Variants in HUNK observed in about 807,000 individuals in gnomAD.
HUNK encodes the protein hormonally up-regulated Neu-associated kinase, also known as hormonally up-regulated neu tumor-associated kinase.
A neutral mutation model predicts 61.0 loss-of-function variants in HUNK; 21 were observed. The observed-to-expected ratio is 0.34, with a 90% confidence interval of 0.24 to 0.50. HUNK has a LOEUF of 0.50. Ranked by LOEUF, HUNK falls within the 20% of genes least tolerant of loss-of-function variation. HUNK has a pLI of 0.98. For synonymous variants in HUNK, 371 were observed against 386.1 expected, an observed-to-expected ratio of 0.96 and a Z score of 0.46; for missense variants, 772 against 945.7, an observed-to-expected ratio of 0.82 and a Z score of 2.41.
rs939189583 is a variant in HUNK, at chr21:31,873,643, G to A, written c.-32G>A. 30 of 938,562 alleles carry A rather than the reference G, an allele frequency of 3.2e-5. No homozygotes were observed. The highest frequency in any genetic ancestry group is 1.4e-4 in the East Asian group (1 of 7,050). The allele number at this position is 938,562 out of a possible 1,614,324, so 58.1% of individuals were successfully genotyped here. A position where few individuals can be genotyped will look rare whatever the true frequency, so the allele number is the denominator to read the frequency against. ...AGGAGGAGCTGCGAGCGCGGGAGAC[G>A]AGCAGGAGCCGCGCGGGCCGCGGCG... On this transcript the variant is annotated 5_prime_UTR_variant, in exon 1 of 11. Transcript: ENST00000270112. The surrounding 1 kb of genome is among the most constrained non-coding windows in gnomAD (Gnocchi z 6.1).
At chr21:31,892,325 G>A (rs1341879986) in intron 1 of HUNK, among the ~76,000 whole-genome samples, 4 of 151,466 alleles carry the variant, frequency 2.6e-5, no homozygotes, top group South Asian at 2.1e-4. Context: ...CAGCACTTTG[G>A]GAGGCCGAGG....
intron 8 of HUNK, among the ~76,000 whole-genome samples, chr21:31,985,084 T>G (rs970062168): frequency 1.3e-5 from 2 of 152,106 alleles, no homozygotes; most frequent in Admixed American, 1.3e-4. Context: ...GGGGGAAACC[T>G]CTCTCATGAT....
At chr21:31,928,869 T>A (rs2052678726) in intron 2 of HUNK, among the ~76,000 whole-genome samples, 1 of 152,242 alleles carries the variant, frequency 6.6e-6, no homozygotes, top group African/African-American at 2.4e-5. Flanking sequence ...ATGAATTTCA[T>A]AAATTATTTT....
chr21:31,960,415 A>G (rs2052919308), intron 5 of HUNK, among the ~76,000 whole-genome samples: 2 of 152,188 alleles, frequency 1.3e-5, no homozygotes, highest in Non-Finnish European at 2.9e-5. Flanking sequence ...ATTATTTTAA[A>G]AACTTTTCAT....
intron 2 of HUNK, among the ~76,000 whole-genome samples, chr21:31,933,549 C>T (rs2052712596): frequency 6.6e-6 from 1 of 151,998 alleles, no homozygotes. Context: ...CTTTGGGAGG[C>T]CGAGGTAGGT....
Position 31,982,196 on chromosome 21 carries a change from AC to A in HUNK, c.1174-1328del, listed in dbSNP as rs2053102347. Among the ~76,000 whole-genome samples, 3 of 152,206 alleles carry A rather than the reference AC, an allele frequency of 2.0e-5. No homozygotes were observed. In the South Asian group the frequency reaches 6.2e-4, roughly 31 times the overall value. ...GGATTAATTCACTCTAGTTAGAAAC[AC>A]CTGCTTGCCTAGAGTGTGGATTCTC... On this transcript the variant is annotated intron_variant, in intron 7 of 10. Transcript: ENST00000270112.
intron 2 of HUNK, among the ~76,000 whole-genome samples, chr21:31,938,476 C>T (rs965820130): frequency 6.6e-6 from 1 of 151,970 alleles, no homozygotes. Flanking sequence ...GGGACCGAGC[C>T]GTGAGTAGCT....
chr21:31,952,647 GC>G (rs2052858744), intron 4 of HUNK, among the ~76,000 whole-genome samples: 1 of 151,998 alleles, frequency 6.6e-6, no homozygotes, highest in African/African-American at 2.4e-5. Context: ...TGGCCATTTG[GC>G]TTTTGACTTA....
At chr21:31,987,654 G>A (rs934363385) in intron 8 of HUNK, among the ~76,000 whole-genome samples, 5 of 152,212 alleles carry the variant, frequency 3.3e-5, no homozygotes, top group Admixed American at 1.3e-4. Flanking sequence ...TGGGCAAACA[G>A]CATTCAATTT....
At chr21:31,896,946 T>C (rs887745021) in intron 1 of HUNK, among the ~76,000 whole-genome samples, 3 of 152,212 alleles carry the variant, frequency 2.0e-5, no homozygotes, top group African/African-American at 7.2e-5. Context: ...CAAAGTACTA[T>C]AAACTGTGTG....
intron 8 of HUNK, among the ~76,000 whole-genome samples, chr21:31,987,475 G>T (rs1409039881): frequency 6.6e-6 from 1 of 152,190 alleles, no homozygotes. Flanking sequence ...CCTGACACCT[G>T]CCCCACTGCG....
At chr21:31,904,946 T>G (rs2052494719) in intron 1 of HUNK, among the ~76,000 whole-genome samples, 1 of 151,880 alleles carries the variant, frequency 6.6e-6, no homozygotes, top group Admixed American at 6.6e-5. Context: ...AGCACGGTGG[T>G]GCACACCTGT....
At chr21:31,976,924 C>T (rs2053054444) in intron 7 of HUNK, among the ~76,000 whole-genome samples, 1 of 151,956 alleles carries the variant, frequency 6.6e-6, no homozygotes, top group African/African-American at 2.4e-5. Context: ...GTACGCACCA[C>T]CATGACCAAC....
At chr21:31,938,667 C>CTAT (rs1456752964) in intron 2 of HUNK, among the ~76,000 whole-genome samples, 1 of 152,188 alleles carries the variant, frequency 6.6e-6, no homozygotes, top group Non-Finnish European at 1.5e-5. Context: ...GCTTATCTCT[C>CTAT]TATTCAAAAG....
At chr21:31,912,959 T>A (rs971476044) in intron 1 of HUNK, among the ~76,000 whole-genome samples, 1 of 152,214 alleles carries the variant, frequency 6.6e-6, no homozygotes, top group Admixed American at 6.5e-5. Context: ...GCTGAAGTCG[T>A]GGGATTTCCC....
chr21:31,925,127 A>G (rs906444414), intron 2 of HUNK, among the ~76,000 whole-genome samples: 17 of 152,140 alleles, frequency 1.1e-4, no homozygotes, highest in African/African-American at 3.1e-4. Flanking sequence ...ATTTTTCTGT[A>G]TTTTTATTCC....
Position 31,921,450 on chromosome 21 carries a change from G to A in HUNK, c.262-3018G>A, listed in dbSNP as rs902110351. 7.9e-5 allele frequency among the ~76,000 whole-genome samples: 12 copies of A among 151,972 alleles called. 1 individual carries two copies. Among genetic ancestry groups the A allele is most frequent in the Admixed American group, 3.3e-4 (5 of 15,254 alleles). ...GGACCTGGGGTTGGGGGCTTGAGTG[G>A]GGGAAGGGGGTGGCTGGAGTACCTG... On this transcript the variant is annotated intron_variant, in intron 1 of 10. Transcript: ENST00000270112.
chr21:31,923,527 A>AAGGG (rs1464072657), intron 1 of HUNK, among the ~76,000 whole-genome samples: 1 of 131,772 alleles, frequency 7.6e-6, no homozygotes, highest in African/African-American at 2.8e-5. Context: ...AGGAGGGAGG[A>AAGGG]AGGGAGGGAG....
chr21:31,952,113 A>G (rs952002616), intron 4 of HUNK, among the ~76,000 whole-genome samples: 4 of 152,208 alleles, frequency 2.6e-5, no homozygotes, highest in Non-Finnish European at 4.4e-5. Flanking sequence ...AATCCGCAAG[A>G]AAATAATTTC....
Sources: gnomAD v4.1 joint callset for allele counts (sites outside exome capture counted in the v4.1 genomes callset) on GRCh38, gnomAD v4.1.1 for gene constraint, Gnocchi (gnomAD v3.1) non-coding constraint, MANE v1.5 for transcripts, NCBI Gene and HGNC (gene_info 2026-07-23, HGNC 2026-07-21) for gene names.